ART3: variants seen among roughly 807,000 people sequenced by gnomAD.
The protein encoded by ART3 is ADP-ribosyltransferase 3 (inactive).
ART3 carries 49 observed loss-of-function variants against 48.5 expected under a neutral mutation model. The ratio of observed to expected loss-of-function variants is 1.01; its 90% CI spans 0.80 to 1.28. The LOEUF is 1.28. Among genes scored for constraint, ART3 ranks in the 50% most tolerant of loss-of-function variants. The pLI, the probability that ART3 is intolerant of heterozygous loss-of-function variation, is 0.00. For synonymous variants in ART3, 145 were observed against 157.2 expected (o/e 0.92, Z 0.58); for missense variants, 438 against 454.3 (o/e 0.96, Z 0.33).
chr4:76,021,665 C>T (rs1365283101), intron 1 of ART3: 1 of 420,330 alleles, frequency 2.4e-6, no homozygotes, highest in Non-Finnish European at 4.2e-6. Context: ...TCAGAACATC[C>T]ACTAAGAACA....
intron 10 of ART3, 76 bp downstream of exon 10, chr4:76,104,705 C>T: frequency 1.4e-6 from 2 of 1,470,242 alleles, no homozygotes; most frequent in South Asian, 2.5e-5. Flanking sequence ...ATGCATGGGA[C>T]TTTCTATGCC....
intron 10 of ART3, among the ~76,000 whole-genome samples, chr4:76,106,603 A>T (rs151302390): frequency 0.031 from 4,645 of 152,204 alleles, 199 homozygotes; most frequent in African/African-American, 0.094. Context: ...AGCTGCAGGC[A>T]TATTCCCCAA....
At chr4:76,023,632 C>T (rs56061981) in intron 1 of ART3, 33,041 of 491,938 alleles carry the variant, frequency 0.067, 1,535 homozygotes, top group Middle Eastern at 0.14. Flanking sequence ...GTTGCAGACT[C>T]GAAGGTATTA....
intron 1 of ART3, among the ~76,000 whole-genome samples, chr4:76,068,939 A>G (rs1049359521): frequency 1.1e-4 from 16 of 152,148 alleles, no homozygotes; most frequent in Admixed American, 7.2e-4. Context: ...AGCTACTCCA[A>G]CCACTGTGCA....
Position 76,082,492 on chromosome 4 carries a change from C to A in ART3, c.738C>A (p.Ser246Arg). 1 of 1,606,904 alleles carries A rather than the reference C, an allele frequency of 6.2e-7. No homozygotes were observed. Among genetic ancestry groups the A allele is most frequent in the Non-Finnish European group, 8.5e-7 (1 of 1,176,748 alleles). The change falls in exon 3 of 12, where the codon AGC becomes AGA. Residue 246 changes from serine to arginine, a missense_variant. Physicochemically the swap from Ser to Arg is moderately radical, Grantham distance 110. This residue lies in a region of ART3 where 227 missense variants were observed against 229.6 expected (regional missense o/e 0.99). Transcript: ENST00000355810. The stretch of plus-strand genomic sequence containing the variant: ...CTGGCAATAACCTTATCCTTCAAAG[C>A]ATAAACAAGACCTGCAGCCATTATG... ...EGAGNNLILQSINKTCSHYEC... is the reference protein window; with the variant it reads ...EGAGNNLILQRINKTCSHYEC...
intron 1 of ART3, among the ~76,000 whole-genome samples, chr4:76,020,437 T>G (rs1250088866): frequency 1.3e-5 from 2 of 152,184 alleles, no homozygotes; most frequent in Non-Finnish European, 1.5e-5. Flanking sequence ...TCTTTACATA[T>G]TCTAGATGCT....
At chr4:76,057,615 G>T (rs1718815483) in intron 1 of ART3, among the ~76,000 whole-genome samples, 1 of 152,162 alleles carries the variant, frequency 6.6e-6, no homozygotes, top group Non-Finnish European at 1.5e-5. Flanking sequence ...ACAACCCTGT[G>T]AGGGGAACTG....
chr4:76,109,015 A>ACTGTACACTC (rs1337511217), intron 11 of ART3, among the ~76,000 whole-genome samples: 1 of 152,184 alleles, frequency 6.6e-6, no homozygotes, highest in Non-Finnish European at 1.5e-5. Context: ...CTGGGACACT[A>ACTGTACACTC]CTGTACACTC....
chr4:76,102,054 A>G (rs936908631), intron 8 of ART3, among the ~76,000 whole-genome samples: 6 of 148,544 alleles, frequency 4.0e-5, no homozygotes, highest in Non-Finnish European at 7.3e-5. Context: ...AGATTCTAGA[A>G]TTGGGCAACA....
At position 76,112,237 on chromosome 4, in the gene ART3, T is replaced by C. The variant is rs75720924; in HGVS notation, c.1037-149T>C. The C allele has an allele frequency of 3.6e-3, 3,545 of 976,702 alleles. 81 individuals are homozygous for C. In the African/African-American group the frequency reaches 0.053, roughly 14 times the overall value. The allele number at this position is 976,702 out of a possible 1,614,324, so 60.5% of individuals were successfully genotyped here. A position where few individuals can be genotyped will look rare whatever the true frequency, so the allele number is the denominator to read the frequency against. ...TGAAATCTGTAATGAATTACACTTATTTGAAAATTGCTTTTGGCTGGAAGT... is the reference window on the plus strand; with the variant it reads ...TGAAATCTGTAATGAATTACACTTACTTGAAAATTGCTTTTGGCTGGAAGT... On this transcript the variant is annotated intron_variant, in intron 11 of 11. Coordinates refer to ENST00000355810, the MANE Select transcript of ART3 (RefSeq NM_001130016.3).
At chr4:76,100,469 A>G in intron 6 of ART3, 149 bp downstream of exon 6, 1 of 824,474 alleles carries the variant, frequency 1.2e-6, no homozygotes, top group South Asian at 1.7e-5. Flanking sequence ...CATCTTTACT[A>G]AAAATACAAA....
intron 8 of ART3, among the ~76,000 whole-genome samples, chr4:76,103,187 C>T (rs1218067473): frequency 1.3e-5 from 2 of 152,090 alleles, no homozygotes; most frequent in Non-Finnish European, 2.9e-5. Flanking sequence ...AGACTAGCTA[C>T]ATGGTTAGGA....
intron 1 of ART3, among the ~76,000 whole-genome samples, chr4:76,039,840 A>G (rs2149421234): frequency 6.6e-6 from 1 of 152,174 alleles, no homozygotes; most frequent in South Asian, 2.1e-4. Flanking sequence ...ACAAGACTAA[A>G]CTCTTCCTTT....
At chr4:76,056,141 C>A (rs1718657990) in intron 1 of ART3, among the ~76,000 whole-genome samples, 1 of 152,214 alleles carries the variant, frequency 6.6e-6, no homozygotes, top group African/African-American at 2.4e-5. Flanking sequence ...CCCTCTACCC[C>A]ACTACCTTTC....
intron 1 of ART3, among the ~76,000 whole-genome samples, chr4:76,035,556 C>T (rs1734310510): frequency 6.6e-6 from 1 of 152,192 alleles, no homozygotes; most frequent in Admixed American, 6.5e-5. Context: ...AAATGGGAAG[C>T]ATGAAGGAAG....
intron 2 of ART3, among the ~76,000 whole-genome samples, chr4:76,078,846 C>T (rs1245824893): frequency 2.0e-5 from 3 of 152,072 alleles, no homozygotes; most frequent in Admixed American, 2.0e-4. Flanking sequence ...TTTGGGAGGC[C>T]GAGAAAGGCA....
At chr4:76,087,777 TC>T (rs1228844155) in intron 3 of ART3, among the ~76,000 whole-genome samples, 2 of 152,204 alleles carry the variant, frequency 1.3e-5, no homozygotes, top group African/African-American at 4.8e-5. Flanking sequence ...TTGGTATTAA[TC>T]CAAGCTGATG....
chr4:76,105,541 GA>G, intron 10 of ART3: 2 of 1,288,952 alleles, frequency 1.6e-6, no homozygotes, highest in Non-Finnish European at 2.0e-6. Flanking sequence ...TGATACAACT[GA>G]ATGAAAAACC....
At chr4:76,099,714 G>A (rs1037752782) in intron 5 of ART3, 1 of 153,220 alleles carries the variant, frequency 6.5e-6, no homozygotes, top group African/African-American at 2.4e-5. Flanking sequence ...AAAATATGTA[G>A]GTGATTAGAT....
Sources: gnomAD v4.1 joint callset for allele counts (sites outside exome capture counted in the v4.1 genomes callset) on GRCh38, gnomAD v4.1.1 for gene constraint, gnomAD v4.1.1 regional missense constraint, MANE v1.5 for transcripts, NCBI Gene and HGNC (gene_info 2026-07-23, HGNC 2026-07-21) for gene names.